UBN2: variants seen among roughly 807,000 people sequenced by gnomAD.
The protein encoded by UBN2 is ubinuclein 2.
UBN2 carries 35 observed loss-of-function variants against 120.2 expected under a neutral mutation model. The observed-to-expected ratio is 0.29, with a 90% CI of 0.22 to 0.39. The LOEUF (loss-of-function observed/expected upper bound fraction) is 0.39. Ranked by LOEUF, UBN2 falls within the 10% of genes least tolerant of loss-of-function variation. UBN2 has a pLI of 1.00. For synonymous variants in UBN2, 661 were observed against 648.7 expected, an observed-to-expected ratio of 1.02 and a Z score of -0.29; for missense variants, 1,693 against 1,663.2, an observed-to-expected ratio of 1.02 and a Z score of -0.31.
chr7:139,320,876 A>T, the UBN2 span, among the ~76,000 whole-genome samples: 1 of 151,490 alleles, frequency 6.6e-6, no homozygotes, highest in South Asian at 2.1e-4. Flanking sequence ...AAAACAAACC[A>T]TTCTCTATAT....
intron 1 of UBN2, among the ~76,000 whole-genome samples, chr7:139,235,406 A>AT: frequency 6.6e-6 from 1 of 151,786 alleles, no homozygotes; most frequent in Non-Finnish European, 1.5e-5. Flanking sequence ...TTATTTATTT[A>AT]TTTTTTTGAG....
At chr7:139,235,088 T>C (rs1796129315) in intron 1 of UBN2, among the ~76,000 whole-genome samples, 1 of 152,222 alleles carries the variant, frequency 6.6e-6, no homozygotes, top group South Asian at 2.1e-4. Flanking sequence ...AGCTGTACTT[T>C]TGATACCTAC....
intron 12 of UBN2, chr7:139,277,196 T>A (rs1797469662): frequency 6.6e-6 from 1 of 152,208 alleles, no homozygotes; most frequent in Non-Finnish European, 1.5e-5. Context: ...ATTCCTACTC[T>A]CCTTGTATGC....
At chr7:139,292,341 A>G (rs1797985945) in intron 15 of UBN2, among the ~76,000 whole-genome samples, 2 of 152,092 alleles carry the variant, frequency 1.3e-5, no homozygotes, top group South Asian at 4.1e-4. Context: ...TTTCTTATTT[A>G]TTTTTTTAAA....
At position 139,307,712 on chromosome 7, in the gene UBN2, C is replaced by G. The variant is rs1395661481; in HGVS notation, c.*9876C>G. On this transcript the variant is annotated 3_prime_UTR_variant, in exon 18 of 18. Transcript: ENST00000473989. ...AAACGCTAGCTACCAGGAAATGACG[C>G]AGAAGTCACGTTCTTCTTCCCACTG... 2.0e-5 allele frequency: 3 copies of G among 152,136 alleles called. No homozygotes were observed. Among genetic ancestry groups the G allele is most frequent in the Admixed American group, 6.5e-5 (1 of 15,274 alleles). 9.4% of individuals were successfully genotyped at this position (152,136 alleles called of 1,614,324 possible).
intron 17 of UBN2, among the ~76,000 whole-genome samples, chr7:139,295,386 C>CG (rs1798080250): frequency 6.6e-6 from 1 of 152,136 alleles, no homozygotes; most frequent in East Asian, 1.9e-4. Flanking sequence ...GCATGTCCCC[C>CG]CCTGGGTGTA....
chr7:139,245,214 A>G (rs1193047268), intron 2 of UBN2, among the ~76,000 whole-genome samples: 2 of 146,502 alleles, frequency 1.4e-5, no homozygotes, highest in Non-Finnish European at 3.0e-5. Context: ...TGCTGGGATT[A>G]TAGGCATGAG....
At chr7:139,290,941 G>C (rs763837023) in intron 15 of UBN2, among the ~76,000 whole-genome samples, 1 of 152,072 alleles carries the variant, frequency 6.6e-6, no homozygotes, top group Non-Finnish European at 1.5e-5. Context: ...AGAAGCAAAA[G>C]GACAAAGATT....
In UBN2 at chr7:139,261,577, T is replaced by G; in HGVS notation, c.1231T>G (p.Leu411Val). 4 of 1,614,198 alleles carry G rather than the reference T, an allele frequency of 2.5e-6. No individual in the cohort carries two copies. The highest frequency in any genetic ancestry group is 3.4e-6 in the Non-Finnish European group (4 of 1,180,032). ...EMLDDFDFDR[L>V]LDAASDGSPL... ...GCTAGATGATTTTGACTTCGACAGA[T>G]TACTGGATGCTGCTTCTGATGGTAG... The change falls in exon 6 of 18, where the codon TTA becomes GTA. Residue 411 changes from leucine to valine, a missense_variant. By Grantham distance (32) the Leu-to-Val change is conservative (BLOSUM62 1). Around this residue, in one of 5 missense-constraint regions of UBN2, gnomAD observed 663 missense variants for 591.2 expected, o/e 1.12. Coordinates refer to ENST00000473989, the MANE Select transcript of UBN2 (RefSeq NM_173569.4).
chr7:139,309,063 C>G (rs1211558018), downstream of UBN2, among the ~76,000 whole-genome samples: 3 of 152,064 alleles, frequency 2.0e-5, no homozygotes, highest in Non-Finnish European at 4.4e-5. Flanking sequence ...GAGACTCCGT[C>G]TCAACAACAA....
At chr7:139,287,519 A>G (rs1797823896) in intron 15 of UBN2, among the ~76,000 whole-genome samples, 2 of 152,186 alleles carry the variant, frequency 1.3e-5, no homozygotes, top group African/African-American at 4.8e-5. Context: ...AAGAACCCCT[A>G]TACTGTCTAA....
At chr7:139,247,539 T>C (rs751310332) in intron 2 of UBN2, among the ~76,000 whole-genome samples, 12 of 152,234 alleles carry the variant, frequency 7.9e-5, no homozygotes, top group Admixed American at 3.9e-4. Flanking sequence ...CTATTTTCTG[T>C]GTGACCTTAG....
At chr7:139,325,710 A>G in the UBN2 span, among the ~76,000 whole-genome samples, 1 of 152,192 alleles carries the variant, frequency 6.6e-6, no homozygotes, top group Non-Finnish European at 1.5e-5. Context: ...ATGGTAGCAC[A>G]TCCAGGTTGC....
chr7:139,310,262 G>T (rs1329125760), downstream of UBN2, among the ~76,000 whole-genome samples: 2 of 151,494 alleles, frequency 1.3e-5, no homozygotes, highest in Non-Finnish European at 2.9e-5. Flanking sequence ...AGGAGGTTGA[G>T]GTTGCAGTAA....
chr7:139,308,811 C>G (rs151208889), downstream of UBN2, among the ~76,000 whole-genome samples: 334 of 152,336 alleles, frequency 2.2e-3, no homozygotes, highest in Non-Finnish European at 3.7e-3. Context: ...GTGGCTCACG[C>G]CTGTAATCCC....
In UBN2 at chr7:139,307,644, A is replaced by G. The variant is rs968885563; in HGVS notation, c.*9808A>G. On this transcript the variant is annotated 3_prime_UTR_variant, in exon 18 of 18. Transcript: ENST00000473989. ...GCAGGAATATGGACAAACTGCTGCT[A>G]CTGAACCCTGCACTGAGCCGAGGTA... 4.6e-5 allele frequency: 7 copies of G among 152,152 alleles called. No homozygotes were observed. The highest frequency in any genetic ancestry group is 1.4e-4 in the African/African-American group (6 of 41,420). The allele number at this position is 152,152 out of a possible 1,614,324, so 9.4% of individuals were successfully genotyped here.
At chr7:139,325,736 T>C in the UBN2 span, among the ~76,000 whole-genome samples, 4 of 152,178 alleles carry the variant, frequency 2.6e-5, no homozygotes, top group South Asian at 4.1e-4. Flanking sequence ...CTTGCTGTAG[T>C]TGAAGAGTAA....
downstream of UBN2, among the ~76,000 whole-genome samples, chr7:139,310,999 G>A (rs1798440215): frequency 1.3e-5 from 2 of 152,168 alleles, no homozygotes; most frequent in African/African-American, 4.8e-5. Flanking sequence ...ATTGCAAACA[G>A]TCAAAAGTTT....
intron 2 of UBN2, among the ~76,000 whole-genome samples, chr7:139,245,650 A>T (rs1487707401): frequency 6.6e-6 from 1 of 152,218 alleles, no homozygotes; most frequent in African/African-American, 2.4e-5. Context: ...GGTAAATCTC[A>T]TAGGCAGCTA....
Sources: gnomAD v4.1 joint callset for allele counts (sites outside exome capture counted in the v4.1 genomes callset) on GRCh38, gnomAD v4.1.1 for gene constraint, gnomAD v4.1.1 regional missense constraint, MANE v1.5 for transcripts, NCBI Gene and HGNC (gene_info 2026-07-23, HGNC 2026-07-21) for gene names.